The following ELAVL2 variants were observed in gnomAD, a reference collection of about 807,000 sequenced individuals.
ELAVL2 encodes ELAV-like protein 2.
A neutral mutation model predicts 34.6 loss-of-function variants in ELAVL2; 4 were observed. That is an observed-to-expected ratio of 0.12 (90% CI 0.06 to 0.26). The LOEUF (loss-of-function observed/expected upper bound fraction) is 0.26. ELAVL2 is among the 10% of genes least tolerant of loss of function. The probability of loss-of-function intolerance (pLI) is 1.00; values close to 1 mark genes in which losing one functional copy is unlikely to be tolerated. For missense variants in ELAVL2, 432 were observed against 442.8 expected (o/e 0.98, Z 0.22); for synonymous variants, 193 against 154.8 (o/e 1.25, Z -1.83).
rs562864602 is a variant in ELAVL2, at chr9:23,702,610, A to T, written c.488-1006T>A. Among the ~76,000 whole-genome samples, 5 of 152,042 alleles carry T rather than the reference A, an allele frequency of 3.3e-5. No homozygotes were observed. The South Asian group carries it at 1.0e-3, about 32-fold the overall frequency. On this transcript the variant is annotated intron_variant, in intron 4 of 6. Coordinates refer to ENST00000397312, the MANE Select transcript of ELAVL2 (RefSeq NM_004432.5). ...AAAAAAAAAAAAAGAAAGAAGGTCT[A>T]CTTGCTTTAAAATTAATACTGTGTA... is the stretch of plus-strand genomic sequence containing the variant.
chr9:23,780,510 G>C (rs1399216553), intron 1 of ELAVL2, among the ~76,000 whole-genome samples: 5 of 152,090 alleles, frequency 3.3e-5, no homozygotes, highest in Admixed American at 1.3e-4. Context: ...TAGAAAATTT[G>C]TGGTCAATTT....
Position 23,766,985 on chromosome 9 carries a change from T to C in ELAVL2, c.-15-4736A>G, listed in dbSNP as rs1204791473. On this transcript the variant is annotated intron_variant, in intron 1 of 6. Coordinates refer to ENST00000397312, the MANE Select transcript of ELAVL2 (RefSeq NM_004432.5). The stretch of plus-strand genomic sequence containing the variant: ...GTTTCAATATATATTCTCCTCTTAA[T>C]TTAGACATCACTTGTGCCAATTCAG... Among the ~76,000 whole-genome samples the C allele has an allele frequency of 2.6e-5, 4 of 152,378 alleles. No homozygotes were observed. The South Asian group carries it at 8.3e-4, about 32-fold the overall frequency.
intron 5 of ELAVL2, among the ~76,000 whole-genome samples, chr9:23,695,810 G>T (rs921997680): frequency 1.3e-5 from 2 of 152,126 alleles, no homozygotes; most frequent in African/African-American, 4.8e-5. Flanking sequence ...ATTTTTTGCA[G>T]TCTACTATAT....
At position 23,691,213 on chromosome 9, in the gene ELAVL2, T is replaced by C. The variant is rs2033064717; in HGVS notation, c.*1344A>G. On this transcript the variant is annotated 3_prime_UTR_variant, in exon 7 of 7. Transcript: ENST00000397312. Reference sequence around the variant, plus strand: ...TGCCATTTACAAAGGAAAAAACTGATACAAAAACATTCAAAACCTGAACAT... The same window carrying C: ...TGCCATTTACAAAGGAAAAAACTGACACAAAAACATTCAAAACCTGAACAT... 1 of 152,392 alleles carries C rather than the reference T, an allele frequency of 6.6e-6. No individual in the cohort carries two copies. Among genetic ancestry groups the C allele is most frequent in the Admixed American group, 6.6e-5 (1 of 15,242 alleles). The allele number at this position is 152,392 out of a possible 1,614,324, so 9.4% of individuals were successfully genotyped here.
At chr9:23,708,087 A>C (rs1169768920) in intron 3 of ELAVL2, among the ~76,000 whole-genome samples, 2 of 151,938 alleles carry the variant, frequency 1.3e-5, no homozygotes, top group Admixed American at 1.3e-4. Context: ...TTTATATTGT[A>C]TCTTTAGTTC....
chr9:23,708,933 C>T (rs142411928), intron 3 of ELAVL2, among the ~76,000 whole-genome samples: 3 of 152,138 alleles, frequency 2.0e-5, no homozygotes, highest in African/African-American at 7.2e-5. Context: ...CCACCACGCC[C>T]GGCTCCATTA....
chr9:23,790,149 C>T (rs1266960501), intron 1 of ELAVL2, among the ~76,000 whole-genome samples: 1 of 151,524 alleles, frequency 6.6e-6, no homozygotes, highest in African/African-American at 2.4e-5. Context: ...GTAAAAGAGG[C>T]AGGTCCGAGT....
At chr9:23,724,192 G>C (rs1181188903) in intron 3 of ELAVL2, among the ~76,000 whole-genome samples, 2 of 152,126 alleles carry the variant, frequency 1.3e-5, no homozygotes, top group Admixed American at 1.3e-4. Flanking sequence ...GTCAACTGTT[G>C]AGACTCTTCT....
At chr9:23,703,016 G>T (rs1328962620) in intron 4 of ELAVL2, among the ~76,000 whole-genome samples, 2 of 130,540 alleles carry the variant, frequency 1.5e-5, no homozygotes, top group African/African-American at 5.4e-5. Flanking sequence ...CTAAATCGGT[G>T]GTCCTCCTAC....
chr9:23,834,512 A>T, the ELAVL2 span, among the ~76,000 whole-genome samples: 1 of 152,076 alleles, frequency 6.6e-6, no homozygotes, highest in Admixed American at 6.5e-5. Flanking sequence ...AGATGTAATC[A>T]TAAGTATAAA....
intron 2 of ELAVL2, among the ~76,000 whole-genome samples, chr9:23,750,895 G>A (rs1326747685): frequency 6.6e-6 from 1 of 152,146 alleles, no homozygotes; most frequent in Non-Finnish European, 1.5e-5. Flanking sequence ...AAATAAAACT[G>A]TTCTCTCAGG....
intron 2 of ELAVL2, among the ~76,000 whole-genome samples, chr9:23,741,071 C>T (rs765681888): frequency 3.9e-5 from 6 of 152,044 alleles, no homozygotes; most frequent in South Asian, 2.1e-4. Context: ...TAAAGTGCAT[C>T]GCAGGGGTTT....
the ELAVL2 span, among the ~76,000 whole-genome samples, chr9:23,838,314 C>G: frequency 1.3e-5 from 2 of 151,910 alleles, no homozygotes; most frequent in African/African-American, 4.8e-5. Context: ...AGAAAAAACT[C>G]TACAGCTCAA....
intron 2 of ELAVL2, among the ~76,000 whole-genome samples, chr9:23,737,264 TA>T (rs1245804041): frequency 6.6e-6 from 1 of 152,198 alleles, no homozygotes; most frequent in Admixed American, 6.5e-5. Context: ...GCCTGTGGTT[TA>T]GGAGATAGTT....
At chr9:23,782,368 C>G (rs1432409892) in intron 1 of ELAVL2, among the ~76,000 whole-genome samples, 1 of 151,600 alleles carries the variant, frequency 6.6e-6, no homozygotes, top group Non-Finnish European at 1.5e-5. Context: ...AACCCCAGCT[C>G]TACTAAAAAT....
intron 1 of ELAVL2, among the ~76,000 whole-genome samples, chr9:23,808,463 T>A (rs754722559): frequency 2.0e-5 from 3 of 152,106 alleles, no homozygotes; most frequent in Admixed American, 1.3e-4. Context: ...TGTTCACATG[T>A]AAACTGGCAA....
At chr9:23,788,920 G>T (rs746945731) in intron 1 of ELAVL2, among the ~76,000 whole-genome samples, 1 of 152,192 alleles carries the variant, frequency 6.6e-6, no homozygotes, top group Non-Finnish European at 1.5e-5. Context: ...TTTATGCCTG[G>T]AATTTTCCAT....
chr9:23,710,037 T>C (rs2040512753), intron 3 of ELAVL2, among the ~76,000 whole-genome samples: 1 of 152,170 alleles, frequency 6.6e-6, no homozygotes, highest in South Asian at 2.1e-4. Context: ...AGTAAGTACT[T>C]GCTACTACAG....
Position 23,731,013 on chromosome 9 carries a change from T to G in ELAVL2, c.333+9A>C, listed in dbSNP as rs1392674559. On this transcript the variant is annotated intron_variant, in intron 3 of 6. Transcript: ENST00000397312. ...TCCGCAAGTAGATATAAAAAAACTTTAAACATACTTTTATTGTTTTGGTTT... is the reference window on the plus strand; with the variant it reads ...TCCGCAAGTAGATATAAAAAAACTTGAAACATACTTTTATTGTTTTGGTTT... The G allele has an allele frequency of 1.2e-6, 2 of 1,605,160 alleles. No homozygotes were observed. The highest frequency in any genetic ancestry group is 2.2e-5 in the East Asian group (1 of 44,750).
Sources: gnomAD v4.1 joint callset for allele counts (sites outside exome capture counted in the v4.1 genomes callset) on GRCh38, gnomAD v4.1.1 for gene constraint, MANE v1.5 for transcripts, NCBI Gene and HGNC (gene_info 2026-07-23, HGNC 2026-07-21) for gene names.